Variants in COMMD10 observed in about 807,000 individuals in gnomAD.
COMMD10 encodes COMM domain containing 10.
Under a neutral mutation model 28.9 loss-of-function variants are expected in COMMD10, and 33 were observed. The observed-to-expected ratio is 1.14, with a 90% CI of 0.87 to 1.53. The LOEUF is 1.53. COMMD10 is among the 40% of genes most tolerant of loss of function. The pLI, the probability that COMMD10 is intolerant of heterozygous loss-of-function variation, is 0.00. For synonymous variants in COMMD10, 110 were observed against 81.7 expected, an observed-to-expected ratio of 1.35 and a Z score of -1.87; for missense variants, 310 against 233.4, an observed-to-expected ratio of 1.33 and a Z score of -2.14.
Position 116,292,442 on chromosome 5 carries a change from T to C in COMMD10, c.571-9T>C. The stretch of plus-strand genomic sequence containing the variant: ...TAACGTCTTTTTTTTTTTTTGTCTT[T>C]GTAAATAGCTAGAGACTATACAAGC... On this transcript the variant is annotated splice_polypyrimidine_tract_variant and intron_variant, in intron 6 of 6. Transcript: ENST00000274458. 1.3e-6 allele frequency: 2 copies of C among 1,509,596 alleles called. No homozygotes were observed. Among genetic ancestry groups the C allele is most frequent in the Admixed American group, 2.1e-5 (1 of 47,714 alleles). 93.5% of individuals were successfully genotyped at this position (1,509,596 alleles called of 1,614,324 possible).
At chr5:116,184,437 T>C (rs1001189926) in intron 5 of COMMD10, among the ~76,000 whole-genome samples, 3 of 152,032 alleles carry the variant, frequency 2.0e-5, no homozygotes, top group African/African-American at 7.2e-5. Flanking sequence ...AATATTTGTT[T>C]CCATGACTTT....
chr5:116,208,940 A>T (rs1271221191), intron 5 of COMMD10, among the ~76,000 whole-genome samples: 1 of 152,148 alleles, frequency 6.6e-6, no homozygotes, highest in Non-Finnish European at 1.5e-5. Context: ...TAGACCAAAC[A>T]TTGGGAAAAT....
At chr5:116,246,569 C>T (rs1420757946) in intron 5 of COMMD10, among the ~76,000 whole-genome samples, 1 of 151,866 alleles carries the variant, frequency 6.6e-6, no homozygotes, top group African/African-American at 2.4e-5. Flanking sequence ...GGAGGTATCC[C>T]ATTACTTGAC....
At chr5:116,259,063 T>A (rs1210586489) in intron 5 of COMMD10, among the ~76,000 whole-genome samples, 1 of 96,150 alleles carries the variant, frequency 1.0e-5, no homozygotes, top group African/African-American at 4.4e-5. Flanking sequence ...CGTCCTTTAA[T>A]TTTTTTTTTT....
intron 5 of COMMD10, among the ~76,000 whole-genome samples, chr5:116,263,288 C>G (rs562294601): frequency 2.6e-5 from 4 of 151,828 alleles, no homozygotes; most frequent in South Asian, 2.1e-4. Flanking sequence ...GAGTCATGCC[C>G]TACAAACCAT....
At chr5:116,177,938 A>T (rs1747782384) in intron 5 of COMMD10, among the ~76,000 whole-genome samples, 1 of 152,124 alleles carries the variant, frequency 6.6e-6, no homozygotes, top group Non-Finnish European at 1.5e-5. Context: ...TGAACAAATA[A>T]ACCTGCATAC....
chr5:116,086,770 G>A (rs1046292861), intron 1 of COMMD10, among the ~76,000 whole-genome samples: 136 of 152,216 alleles, frequency 8.9e-4, no homozygotes, highest in African/African-American at 3.2e-3. Context: ...TTGAGCTCAG[G>A]AGTTCAAGAC....
intron 5 of COMMD10, among the ~76,000 whole-genome samples, chr5:116,229,552 G>A (rs1749476396): frequency 6.6e-6 from 1 of 151,952 alleles, no homozygotes; most frequent in African/African-American, 2.4e-5. Context: ...GAGCAGTTCT[G>A]TAGCGCAACA....
At chr5:116,268,500 G>C (rs144986856) in intron 5 of COMMD10, among the ~76,000 whole-genome samples, 16,890 of 151,846 alleles carry the variant, frequency 0.11, 1,580 homozygotes, top group African/African-American at 0.23. Flanking sequence ...TACACTATTG[G>C]TGAGACTGTA....
intron 1 of COMMD10, among the ~76,000 whole-genome samples, chr5:116,086,790 C>T (rs572064260): frequency 1.3e-5 from 2 of 152,042 alleles, no homozygotes; most frequent in African/African-American, 4.8e-5. Flanking sequence ...CCAGCCTGGG[C>T]AACAGGGCAA....
At chr5:116,231,075 G>A (rs562737392) in intron 5 of COMMD10, among the ~76,000 whole-genome samples, 1 of 152,212 alleles carries the variant, frequency 6.6e-6, no homozygotes, top group African/African-American at 2.4e-5. Context: ...GCAGTTTACT[G>A]CCTATCACTC....
At chr5:116,202,240 A>G (rs990787792) in intron 5 of COMMD10, among the ~76,000 whole-genome samples, 10 of 151,934 alleles carry the variant, frequency 6.6e-5, no homozygotes, top group African/African-American at 2.2e-4. Context: ...GCTGCATAGT[A>G]TTCCATGGTG....
chr5:116,220,104 A>G (rs558727869), intron 5 of COMMD10, among the ~76,000 whole-genome samples: 9 of 152,280 alleles, frequency 5.9e-5, no homozygotes, highest in African/African-American at 1.2e-4. Flanking sequence ...ATGATAGACA[A>G]TTGGGAGATA....
At chr5:116,140,835 ACC>A (rs1752174360) in intron 5 of COMMD10, among the ~76,000 whole-genome samples, 1 of 151,544 alleles carries the variant, frequency 6.6e-6, no homozygotes, top group South Asian at 2.1e-4. Context: ...TTGTATATTA[ACC>A]CCTTATCAGA....
chr5:116,276,052 T>C (rs904633497), intron 5 of COMMD10, among the ~76,000 whole-genome samples: 2 of 151,120 alleles, frequency 1.3e-5, no homozygotes, highest in Non-Finnish European at 2.9e-5. Flanking sequence ...CTAACACAGG[T>C]ATTCTTACTG....
chr5:116,155,533 G>A (rs1026422779), intron 5 of COMMD10, among the ~76,000 whole-genome samples: 1 of 151,994 alleles, frequency 6.6e-6, no homozygotes, highest in Non-Finnish European at 1.5e-5. Flanking sequence ...AAATTTTGTA[G>A]ATAAACAGAC....
intron 5 of COMMD10, among the ~76,000 whole-genome samples, chr5:116,192,262 A>C (rs1224302759): frequency 4.2e-5 from 6 of 143,158 alleles, no homozygotes; most frequent in African/African-American, 7.6e-5. Context: ...CTCTTTAACA[A>C]CCCCCCCCCC....
chr5:116,143,927 C>G (rs1752267587), intron 5 of COMMD10, among the ~76,000 whole-genome samples: 1 of 151,594 alleles, frequency 6.6e-6, no homozygotes, highest in African/African-American at 2.4e-5. Context: ...AGTTTGATGA[C>G]TAGTACAAAG....
chr5:116,181,963 C>G (rs1237522437), intron 5 of COMMD10, among the ~76,000 whole-genome samples: 4 of 152,024 alleles, frequency 2.6e-5, no homozygotes, highest in Non-Finnish European at 5.9e-5. Context: ...AGTTTATATT[C>G]TCTTAGGGGA....
Sources: allele counts gnomAD v4.1 joint callset (sites outside exome capture counted in the v4.1 genomes callset), GRCh38; gene constraint gnomAD v4.1.1; transcripts MANE v1.5; gene names NCBI Gene and HGNC (gene_info 2026-07-23, HGNC 2026-07-21).